Variants in CYP2B6 observed in about 807,000 individuals in gnomAD.
CYP2B6 encodes the protein cytochrome P450 family 2 subfamily B member 6.
A neutral mutation model predicts 43.4 loss-of-function variants in CYP2B6; 35 were observed. That is an observed-to-expected ratio of 0.81 (90% CI 0.62 to 1.07). CYP2B6 has a LOEUF of 1.07. CYP2B6 is among the 50% of genes least tolerant of loss of function. CYP2B6 has a pLI of 0.00. For synonymous variants in CYP2B6, 239 were observed against 239.2 expected (o/e 1.00, Z 0.01); for missense variants, 624 against 632.8 (o/e 0.99, Z 0.15).
At chr19:41,015,779 C>A (rs1969351275) in intron 8 of CYP2B6, among the ~76,000 whole-genome samples, 1 of 150,090 alleles carries the variant, frequency 6.7e-6, no homozygotes, top group Non-Finnish European at 1.5e-5. Flanking sequence ...AGACACATGG[C>A]CAGAAACACA....
chr19:41,013,036 T>A, intron 8 of CYP2B6: 1 of 589,518 alleles, frequency 1.7e-6, no homozygotes. Flanking sequence ...CTTGGGCAAG[T>A]ATTTTAACAT....
Position 41,012,823 on chromosome 19 carries a change from G to A in CYP2B6, c.1294+8G>A, listed in dbSNP as rs1969306778. ...TTATCCCCTTCTCCTTAGGTAAGCT[G>A]GACCCACAATTTCTTTCCCAGACAC... On this transcript the variant is annotated splice_region_variant and intron_variant, in intron 8 of 8. Coordinates refer to ENST00000324071, the MANE Select transcript of CYP2B6 (RefSeq NM_000767.5). 1 of 1,614,026 alleles carries A rather than the reference G, an allele frequency of 6.2e-7. No individual in the cohort carries two copies. The highest frequency in any genetic ancestry group is 8.5e-7 in the Non-Finnish European group (1 of 1,180,014).
chr19:41,012,526 T>A (rs1324625273), intron 7 of CYP2B6, 41 bp downstream of exon 7: 1 of 1,612,438 alleles, frequency 6.2e-7, no homozygotes, highest in Non-Finnish European at 8.5e-7. Context: ...TGTTTGGGCA[T>A]CCTGGATTCT....
chr19:41,011,032 T>C (rs1348557133), intron 6 of CYP2B6, among the ~76,000 whole-genome samples: 1 of 138,284 alleles, frequency 7.2e-6, no homozygotes, highest in African/African-American at 2.8e-5. Context: ...TATACTGTCA[T>C]TCATTTATTT....
chr19:40,992,465 TCCCACTGTAATGAG>T (rs1237425175), intron 1 of CYP2B6, among the ~76,000 whole-genome samples: 1 of 152,064 alleles, frequency 6.6e-6, no homozygotes. Flanking sequence ...TTTTTGTTGT[TCCCACTGTAATGAG>T]CCCACTGGAT....
intron 4 of CYP2B6, among the ~76,000 whole-genome samples, chr19:41,008,220 T>C (rs1599848855): frequency 6.6e-6 from 1 of 151,728 alleles, no homozygotes; most frequent in South Asian, 2.1e-4. Flanking sequence ...TTTGTTGTTG[T>C]TGTTGTTTTC....
intron 1 of CYP2B6, 182 bp from the exon 2 acceptor site, chr19:41,003,819 T>A: frequency 1.3e-6 from 1 of 788,682 alleles, no homozygotes; most frequent in Admixed American, 2.0e-5. Context: ...CTGTATTCTC[T>A]CCCTTGGACA....
In CYP2B6 at chr19:41,003,425, A is replaced by G. The variant is rs1055643777; in HGVS notation, c.172-576A>G. ...ATCATCATCCTACTCAGAATGATGC[A>G]CAACTTAAAACTTACGAATTCTTTA... On this transcript the variant is annotated intron_variant, in intron 1 of 8. Coordinates refer to ENST00000324071, the MANE Select transcript of CYP2B6 (RefSeq NM_000767.5). Among the ~76,000 whole-genome samples the G allele has an allele frequency of 1.2e-4, 18 of 152,148 alleles. 1 individual carries two copies. Among genetic ancestry groups the G allele is most frequent in the African/African-American group, 4.1e-4 (17 of 41,384 alleles).
Position 41,010,276 on chromosome 19 carries a change from A to G in CYP2B6, c.964+141A>G, listed in dbSNP as rs1001659226. ...ACTGTAGGCTCTGGGCTAGATTCCA[A>G]CCAAGCCAATTCTGTTGGTGGATGC... On this transcript the variant is annotated intron_variant, in intron 6 of 8. Coordinates refer to ENST00000324071, the MANE Select transcript of CYP2B6 (RefSeq NM_000767.5). 5.0e-5 allele frequency: 50 copies of G among 999,374 alleles called. No individual in the cohort carries two copies. In the African/African-American group the frequency reaches 5.4e-4, roughly 11 times the overall value. The allele number at this position is 999,374 out of a possible 1,614,324, so 61.9% of individuals were successfully genotyped here.
chr19:41,008,386 G>T (rs1969228349), intron 4 of CYP2B6, among the ~76,000 whole-genome samples: 2 of 141,410 alleles, frequency 1.4e-5, no homozygotes, highest in South Asian at 4.9e-4. Flanking sequence ...TAATTTTTTT[G>T]TATTTTTAGT....
At chr19:41,005,174 G>C (rs1969157676) in intron 3 of CYP2B6, among the ~76,000 whole-genome samples, 1 of 152,116 alleles carries the variant, frequency 6.6e-6, no homozygotes, top group Non-Finnish European at 1.5e-5. Context: ...CAGGCCAGGT[G>C]GGGTGTTCTG....
At chr19:41,010,277 C>T (rs2306606) in intron 6 of CYP2B6, 142 bp downstream of exon 6, 253,375 of 967,550 alleles carry the variant, frequency 0.26, 35,555 homozygotes, top group African/African-American at 0.41. Flanking sequence ...TAGATTCCAA[C>T]CAAGCCAATT....
intron 4 of CYP2B6, among the ~76,000 whole-genome samples, chr19:41,008,889 A>T (rs1969234796): frequency 3.3e-5 from 5 of 151,678 alleles, no homozygotes; most frequent in Admixed American, 3.3e-4. Context: ...GGGAGAGAAA[A>T]GTATGAGAAA....
At chr19:41,010,179 C>A in intron 6 of CYP2B6, 44 bp downstream of exon 6, 1 of 1,608,492 alleles carries the variant, frequency 6.2e-7, no homozygotes, top group South Asian at 1.1e-5. Flanking sequence ...TGACCTCCTT[C>A]TGAGCTGCAG....
rs28399490 is a variant in CYP2B6 at position 41,006,882 on chromosome 19, C to G, written c.485-23C>G. ...TTCCCCAGGCACTTCAGTCTGTGTC[C>G]TTGACCTGCTGCTTCTTCCTAGGGG... On this transcript the variant is annotated intron_variant, in intron 3 of 8. Coordinates refer to ENST00000324071, the MANE Select transcript of CYP2B6 (RefSeq NM_000767.5). 5,854 of 1,611,290 alleles carry G rather than the reference C, an allele frequency of 3.6e-3. 219 individuals are homozygous for G. The African/African-American group carries it at 0.069, about 19-fold the overall frequency.
intron 1 of CYP2B6, 82 bp downstream of exon 1, chr19:40,991,558 C>A: frequency 6.7e-7 from 1 of 1,498,642 alleles, no homozygotes; most frequent in Non-Finnish European, 9.2e-7. Flanking sequence ...CAGAATGAGG[C>A]AGACTTCCAG....
chr19:41,001,185 A>T (rs1489619908), intron 1 of CYP2B6, among the ~76,000 whole-genome samples: 1 of 152,118 alleles, frequency 6.6e-6, no homozygotes, highest in Non-Finnish European at 1.5e-5. Flanking sequence ...GCCCTCCTAG[A>T]CTAAAGCTGC....
At position 41,010,080 on chromosome 19, in the gene CYP2B6, C is replaced by T; in HGVS notation, c.909C>T (p.Thr303=). 2 of 1,614,136 alleles carry T rather than the reference C, an allele frequency of 1.2e-6. No homozygotes were observed. The highest frequency in any genetic ancestry group is 1.7e-6 in the Non-Finnish European group (2 of 1,180,030). ...TCTTCTTTGCTGGCACTGAGACCAC[C>T]AGCACCACTCTCCGCTACGGCTTCC... ...LSLFFAGTET[T]STTLRYGFLL... is the part of the protein sequence containing the mutation. Residue 303 remains threonine, a synonymous_variant, in exon 6 of 9, where the codon ACC becomes ACT. Transcript: ENST00000324071.
intron 8 of CYP2B6, among the ~76,000 whole-genome samples, chr19:41,013,623 T>C (rs764158549): frequency 6.6e-5 from 10 of 152,182 alleles, no homozygotes; most frequent in Non-Finnish European, 1.3e-4. Flanking sequence ...GGGCAGGACC[T>C]TGAAGGTTGC....
Sources: allele counts gnomAD v4.1 joint callset (sites outside exome capture counted in the v4.1 genomes callset), GRCh38; gene constraint gnomAD v4.1.1; transcripts MANE v1.5; gene names NCBI Gene and HGNC (gene_info 2026-07-23, HGNC 2026-07-21).